Variants in ZNF184 observed in about 807,000 individuals in gnomAD.
ZNF184 encodes zinc finger protein 184, also known as zinc finger protein 184 (Kruppel-like).
ZNF184 carries 16 observed loss-of-function variants against 54.4 expected under a neutral mutation model. That is an observed-to-expected ratio of 0.29 (90% CI 0.20 to 0.45). The LOEUF (loss-of-function observed/expected upper bound fraction) is 0.45, where lower values mean the gene tolerates loss of function less well. Ranked by LOEUF, ZNF184 falls within the 20% of genes least tolerant of loss-of-function variation. ZNF184 has a pLI of 1.00. For missense variants in ZNF184, 681 were observed against 888.2 expected, an observed-to-expected ratio of 0.77 and a Z score of 2.97; for synonymous variants, 254 against 295.3, an observed-to-expected ratio of 0.86 and a Z score of 1.43.
At chr6:27,449,229 A>G (rs78756409), downstream of ZNF184, among the ~76,000 whole-genome samples, 652 of 152,342 alleles carry the variant, frequency 4.3e-3, 7 homozygotes, top group Admixed American at 0.012. Flanking sequence ...AATCTTGGAC[A>G]TTGAAACATC....
At chr6:27,434,202 G>T in the ZNF184 span, among the ~76,000 whole-genome samples, 2 of 152,132 alleles carry the variant, frequency 1.3e-5, no homozygotes, top group African/African-American at 4.8e-5. Flanking sequence ...AAGACATAGA[G>T]TTGCTGGATC....
the ZNF184 span, among the ~76,000 whole-genome samples, chr6:27,409,314 A>G: frequency 6.6e-6 from 1 of 152,060 alleles, no homozygotes; most frequent in African/African-American, 2.4e-5. Context: ...CCTGGCTAAC[A>G]TGGTGAAACC....
At chr6:27,422,149 A>AAAAAAG in the ZNF184 span, among the ~76,000 whole-genome samples, 12 of 16,804 alleles carry the variant, frequency 7.1e-4, 1 homozygote, top group Non-Finnish European at 5.7e-4. Context: ...TCAAAAAAAA[A>AAAAAAG]AAGAAAGAAA....
At chr6:27,460,283 T>A (rs958864021) in intron 3 of ZNF184, among the ~76,000 whole-genome samples, 4 of 152,258 alleles carry the variant, frequency 2.6e-5, no homozygotes, top group African/African-American at 7.2e-5. Context: ...CTTCCTGCTT[T>A]TTTTATTGCT....
chr6:27,411,642 C>T, the ZNF184 span, among the ~76,000 whole-genome samples: 4 of 152,104 alleles, frequency 2.6e-5, no homozygotes, highest in African/African-American at 4.8e-5. Context: ...ATAGAAGGCC[C>T]GAGGGTAACA....
At chr6:27,439,192 CT>C in the ZNF184 span, among the ~76,000 whole-genome samples, 1 of 152,170 alleles carries the variant, frequency 6.6e-6, no homozygotes. Context: ...TAGAATGTTT[CT>C]TGGCAAATTT....
At chr6:27,411,660 A>G in the ZNF184 span, among the ~76,000 whole-genome samples, 1 of 152,276 alleles carries the variant, frequency 6.6e-6, no homozygotes, top group Non-Finnish European at 1.5e-5. Context: ...ACAGTGATCC[A>G]GAGAAGTCAG....
chr6:27,463,596 CT>C, intron 3 of ZNF184, among the ~76,000 whole-genome samples: 1 of 152,066 alleles, frequency 6.6e-6, no homozygotes, highest in East Asian at 1.9e-4. Flanking sequence ...ATTTTCCAAA[CT>C]TGATTTTAAC....
At chr6:27,441,423 C>T in the ZNF184 span, among the ~76,000 whole-genome samples, 1 of 152,114 alleles carries the variant, frequency 6.6e-6, no homozygotes, top group Non-Finnish European at 1.5e-5. Flanking sequence ...TTATGTTGCC[C>T]AGGCTGGTCT....
At chr6:27,433,431 A>T in the ZNF184 span, among the ~76,000 whole-genome samples, 1 of 152,214 alleles carries the variant, frequency 6.6e-6, no homozygotes, top group African/African-American at 2.4e-5. Flanking sequence ...CACAATGCTG[A>T]GCAATCACCA....
At chr6:27,408,042 T>C in the ZNF184 span, 1 of 910,588 alleles carries the variant, frequency 1.1e-6, no homozygotes, top group African/African-American at 1.6e-5. Flanking sequence ...TGACCTGGGA[T>C]AATGTGATTG....
the ZNF184 span, among the ~76,000 whole-genome samples, chr6:27,436,577 A>G: frequency 1.3e-5 from 2 of 152,244 alleles, no homozygotes; most frequent in Admixed American, 6.5e-5. Context: ...GGTGTATCGC[A>G]TTAACTTTCA....
the ZNF184 span, among the ~76,000 whole-genome samples, chr6:27,429,559 C>T: frequency 1.3e-5 from 2 of 152,120 alleles, no homozygotes; most frequent in Non-Finnish European, 2.9e-5. Context: ...GTGCCTGGTG[C>T]CCCCAACCTG....
chr6:27,459,890 T>C (rs996558870), intron 3 of ZNF184, among the ~76,000 whole-genome samples: 1 of 152,202 alleles, frequency 6.6e-6, no homozygotes, highest in South Asian at 2.1e-4. Context: ...AGGACAGGCA[T>C]GGTGGCTCAC....
At chr6:27,440,927 C>T in the ZNF184 span, among the ~76,000 whole-genome samples, 7 of 152,034 alleles carry the variant, frequency 4.6e-5, no homozygotes, top group Non-Finnish European at 1.0e-4. Flanking sequence ...ACGGCATGAA[C>T]CCGGGAGGCG....
At chr6:27,423,586 C>T in the ZNF184 span, among the ~76,000 whole-genome samples, 1 of 151,842 alleles carries the variant, frequency 6.6e-6, no homozygotes, top group Non-Finnish European at 1.5e-5. Context: ...TCTCTGTTCT[C>T]AGCAATACGC....
rs892614731 is a variant in ZNF184, at chr6:27,472,988, C to T, written c.-399G>A. The T allele has an allele frequency of 6.6e-6, 1 of 152,024 alleles. No individual in the cohort carries two copies. Among genetic ancestry groups the T allele is most frequent in the Non-Finnish European group, 1.5e-5 (1 of 68,126 alleles). 9.4% of individuals were successfully genotyped at this position (152,024 alleles called of 1,614,324 possible). A position where few individuals can be genotyped will look rare whatever the true frequency, so the allele number is the denominator to read the frequency against. ...ATGGTGATACCTGAGCTCCCCTCCC[C>T]CTATAGCGATCCACACACTCTGATC... is the stretch of plus-strand genomic sequence containing the variant. On this transcript the variant is annotated 5_prime_UTR_variant, in exon 1 of 6. Coordinates refer to ENST00000683788, the MANE Select transcript of ZNF184 (RefSeq NM_001318891.2). This position sits in a 1 kb window ranked among gnomAD's most constrained non-coding sequence, Gnocchi z 4.8.
the ZNF184 span, among the ~76,000 whole-genome samples, chr6:27,433,852 C>G: frequency 6.6e-6 from 1 of 150,906 alleles, no homozygotes; most frequent in Non-Finnish European, 1.5e-5. Flanking sequence ...TCCTTCCTTC[C>G]TTCCTTCTTT....
At chr6:27,449,150 C>T (rs1762671020), downstream of ZNF184, among the ~76,000 whole-genome samples, 1 of 152,208 alleles carries the variant, frequency 6.6e-6, no homozygotes, top group Non-Finnish European at 1.5e-5. Flanking sequence ...GGTTTAATAT[C>T]TATAATCTGG....
Sources: allele counts gnomAD v4.1 joint callset (sites outside exome capture counted in the v4.1 genomes callset), GRCh38; gene constraint gnomAD v4.1.1; non-coding constraint Gnocchi (gnomAD v3.1); transcripts MANE v1.5; gene names NCBI Gene and HGNC (gene_info 2026-07-23, HGNC 2026-07-21).